The following KIAA1217 variants were observed in gnomAD, a reference collection of about 807,000 sequenced individuals.
KIAA1217 encodes KIAA1217.
A neutral mutation model predicts 163.9 loss-of-function variants in KIAA1217; 88 were observed. The observed-to-expected ratio is 0.54, with a 90% CI of 0.45 to 0.64. The LOEUF (loss-of-function observed/expected upper bound fraction) is 0.64, where lower values mean the gene tolerates loss of function less well. KIAA1217 is among the 30% of genes least tolerant of loss of function. The probability of loss-of-function intolerance (pLI) is 0.00; values close to 1 mark genes in which losing one functional copy is unlikely to be tolerated. For synonymous variants in KIAA1217, 903 were observed against 923.1 expected, an observed-to-expected ratio of 0.98 and a Z score of 0.39; for missense variants, 2,372 against 2,475.0, an observed-to-expected ratio of 0.96 and a Z score of 0.88.
intron 2 of KIAA1217, among the ~76,000 whole-genome samples, chr10:24,121,449 G>A (rs1219060859): frequency 1.3e-5 from 2 of 152,182 alleles, no homozygotes; most frequent in South Asian, 2.1e-4. Flanking sequence ...AAAATCGCAT[G>A]TTAGTGAACA....
At chr10:23,984,190 G>A (rs1589185790) in intron 1 of KIAA1217, among the ~76,000 whole-genome samples, 1 of 152,190 alleles carries the variant, frequency 6.6e-6, no homozygotes, top group African/African-American at 2.4e-5. Flanking sequence ...TACGAGAGAA[G>A]CTTCCTTTTC....
intron 13 of KIAA1217, 76 bp from the exon 14 acceptor site, chr10:24,527,860 C>T: frequency 3.5e-6 from 4 of 1,149,302 alleles, no homozygotes; most frequent in African/African-American, 1.5e-5. Context: ...CACCCTCCAC[C>T]CTCTGAGAGG....
In KIAA1217 at chr10:24,464,691, C is replaced by T. The variant is rs191429114; in HGVS notation, c.847-8537C>T. On this transcript the variant is annotated intron_variant, in intron 5 of 20. Transcript: ENST00000376454. ...GTATAGGCTGGGCCTCCCTATGTTG[C>T]CCAAGCTGGTCTCAAACTCCTGGGC... 1.6e-3 allele frequency among the ~76,000 whole-genome samples: 237 copies of T among 152,240 alleles called. 1 individual carries two copies. Among genetic ancestry groups the T allele is most frequent in the Non-Finnish European group, 2.6e-3 (177 of 68,006 alleles).
At chr10:24,517,543 A>G (rs916177473) in intron 10 of KIAA1217, among the ~76,000 whole-genome samples, 1 of 152,224 alleles carries the variant, frequency 6.6e-6, no homozygotes, top group African/African-American at 2.4e-5. Context: ...GAACAGTGAT[A>G]TCCCTCTTTC....
chr10:23,995,676 A>G (rs1846442987), intron 1 of KIAA1217, among the ~76,000 whole-genome samples: 1 of 152,226 alleles, frequency 6.6e-6, no homozygotes, highest in Non-Finnish European at 1.5e-5. Context: ...TCATAAAAGC[A>G]TTGAGAAGTT....
intron 2 of KIAA1217, among the ~76,000 whole-genome samples, chr10:24,067,453 C>G (rs1009111967): frequency 2.0e-5 from 3 of 152,168 alleles, no homozygotes; most frequent in African/African-American, 7.2e-5. Flanking sequence ...GGCTGCAGAA[C>G]AGCGGATATT....
At chr10:24,330,259 C>A (rs1351708430) in intron 2 of KIAA1217, among the ~76,000 whole-genome samples, 4 of 147,914 alleles carry the variant, frequency 2.7e-5, no homozygotes, top group African/African-American at 1.0e-4. Context: ...AAGCCCACAC[C>A]ACTGCACTCC....
intron 1 of KIAA1217, among the ~76,000 whole-genome samples, chr10:23,993,124 C>T (rs534243242): frequency 6.8e-6 from 1 of 147,718 alleles, no homozygotes; most frequent in African/African-American, 2.5e-5. Flanking sequence ...TTCTGCCTCC[C>T]GGATTCAAGC....
chr10:23,896,941 T>C (rs1052963204), intron 1 of KIAA1217, among the ~76,000 whole-genome samples: 2 of 152,096 alleles, frequency 1.3e-5, no homozygotes, highest in Admixed American at 6.6e-5. Context: ...ATTTTGCTTC[T>C]TTGAGATATT....
intron 2 of KIAA1217, among the ~76,000 whole-genome samples, chr10:24,131,458 T>C (rs1271080067): frequency 6.6e-6 from 1 of 152,198 alleles, no homozygotes; most frequent in Non-Finnish European, 1.5e-5. Flanking sequence ...CCAAGTCTTG[T>C]AATTTAATAT....
At chr10:24,041,260 G>C (rs1347620177) in intron 2 of KIAA1217, among the ~76,000 whole-genome samples, 1 of 152,162 alleles carries the variant, frequency 6.6e-6, no homozygotes, top group Non-Finnish European at 1.5e-5. Flanking sequence ...AATCACTGAC[G>C]TGGGAAACTA....
rs13328815 is a variant in KIAA1217 at position 23,841,555 on chromosome 10, C to A, written c.-321+146321C>A. 3.9e-3 allele frequency among the ~76,000 whole-genome samples: 600 copies of A among 152,080 alleles called. 4 individuals are homozygous for A. The highest frequency in any genetic ancestry group is 0.013 in the African/African-American group (550 of 41,484). ...TATGCTATTCATGGTGAAGGCAGAT[C>A]TAACACTCTGTTCCTATTAATTCTT... is the stretch of plus-strand genomic sequence containing the variant. On this transcript the variant is annotated intron_variant, in intron 1 of 18. Transcript: ENST00000376462.
intron 2 of KIAA1217, among the ~76,000 whole-genome samples, chr10:24,161,264 A>G (rs1268079712): frequency 6.6e-6 from 1 of 152,356 alleles, no homozygotes; most frequent in East Asian, 1.9e-4. Context: ...GCAAGTTAAC[A>G]CTTCTAAGAC....
intron 2 of KIAA1217, among the ~76,000 whole-genome samples, chr10:24,175,010 C>T (rs542529129): frequency 2.9e-5 from 4 of 135,998 alleles, no homozygotes; most frequent in Admixed American, 1.6e-4. Flanking sequence ...GTGTGCACCA[C>T]CATGCCTGGC....
chr10:23,967,064 G>GA (rs1363793232), intron 1 of KIAA1217, among the ~76,000 whole-genome samples: 7 of 151,560 alleles, frequency 4.6e-5, no homozygotes, highest in African/African-American at 1.5e-4. Flanking sequence ...AGTTTTAAAA[G>GA]AAAAAACACT....
chr10:23,942,318 A>G (rs1163312451), intron 1 of KIAA1217, among the ~76,000 whole-genome samples: 2 of 152,220 alleles, frequency 1.3e-5, no homozygotes, highest in African/African-American at 4.8e-5. Flanking sequence ...GGTAATAATG[A>G]GTGAACAATG....
intron 1 of KIAA1217, among the ~76,000 whole-genome samples, chr10:23,943,075 T>C (rs1174087036): frequency 6.6e-6 from 1 of 152,014 alleles, no homozygotes; most frequent in East Asian, 1.9e-4. Flanking sequence ...CAGTGAGTTA[T>C]GATCACGCCA....
At chr10:24,499,460 C>T (rs550250416) in intron 8 of KIAA1217, among the ~76,000 whole-genome samples, 2 of 152,268 alleles carry the variant, frequency 1.3e-5, no homozygotes, top group South Asian at 2.1e-4. Context: ...TGGCTGGGCG[C>T]GGTGGCCCAC....
chr10:23,821,737 T>A lies in KIAA1217; in HGVS notation c.-321+126503T>A, dbSNP rs141173086. ...ATAAAAATCTGTTTTTGCCTGTTAG[T>A]TAGGTTTTACCTCTGACACCCAACA... On this transcript the variant is annotated intron_variant, in intron 1 of 18. Transcript: ENST00000376462. 1.2e-3 allele frequency among the ~76,000 whole-genome samples: 190 copies of A among 152,356 alleles called. 1 individual carries two copies. Among genetic ancestry groups the A allele is most frequent in the East Asian group, 9.2e-3 (48 of 5,190 alleles).
Sources: gnomAD v4.1 joint callset for allele counts (sites outside exome capture counted in the v4.1 genomes callset) on GRCh38, gnomAD v4.1.1 for gene constraint, MANE v1.5 for transcripts, NCBI Gene and HGNC (gene_info 2026-07-23, HGNC 2026-07-21) for gene names.